The following PCDH12 variants were observed in gnomAD, a reference collection of about 807,000 sequenced individuals.
The protein encoded by PCDH12 is protocadherin 12.
Under a neutral mutation model 70.9 loss-of-function variants are expected in PCDH12, and 45 were observed. That is an observed-to-expected ratio of 0.63 (90% CI 0.50 to 0.81). The LOEUF (loss-of-function observed/expected upper bound fraction) is 0.81, where lower values mean the gene tolerates loss of function less well. Ranked by LOEUF, PCDH12 falls within the 40% of genes least tolerant of loss-of-function variation. The probability of loss-of-function intolerance (pLI) is 0.00; values close to 1 mark genes in which losing one functional copy is unlikely to be tolerated. For missense variants in PCDH12, 1,370 were observed against 1,491.7 expected (o/e 0.92, Z 1.34); for synonymous variants, 567 against 626.0 (o/e 0.91, Z 1.41).
chr5:141,947,886 C>T (rs1394567410), intron 3 of PCDH12, among the ~76,000 whole-genome samples: 3 of 152,130 alleles, frequency 2.0e-5, no homozygotes, highest in Non-Finnish European at 4.4e-5. Flanking sequence ...TGTTCAGTAC[C>T]CTTTGTGCTG....
At position 141,957,932 on chromosome 5, in the gene PCDH12, G is replaced by T; in HGVS notation, c.-81C>A. On this transcript the variant is annotated 5_prime_UTR_variant, in exon 1 of 4. Transcript: ENST00000231484. The surrounding 1 kb of genome is among the most constrained non-coding windows in gnomAD (Gnocchi z 4.3). ...CAAGTCCTCCAGTGTTTCCTGGATG[G>T]CTTGATCAGCCCCGTGCTCCTTCCC... 1 of 1,486,680 alleles carries T rather than the reference G, an allele frequency of 6.7e-7. No individual in the cohort carries two copies. Among genetic ancestry groups the T allele is most frequent in the South Asian group, 1.3e-5 (1 of 77,730 alleles). The allele number at this position is 1,486,680 out of a possible 1,614,324, so 92.1% of individuals were successfully genotyped here.
intron 1 of PCDH12, 60 bp from the exon 2 acceptor site, chr5:141,951,650 C>T (rs1296570475): frequency 2.6e-5 from 32 of 1,230,112 alleles, no homozygotes; most frequent in Non-Finnish European, 3.7e-5. Context: ...ACTTCCTCGC[C>T]GGATGTTTCC....
rs1198750158 is a variant in PCDH12, at chr5:141,955,589, C to G, written c.2263G>C (p.Ala755Pro). The G allele has an allele frequency of 1.2e-6, 2 of 1,614,098 alleles. No homozygotes were observed. Among genetic ancestry groups the G allele is most frequent in the Non-Finnish European group, 1.7e-6 (2 of 1,180,012 alleles). Residue 755 changes from alanine to proline, a missense_variant, in exon 1 of 4, where the codon GCC (alanine) becomes CCC (proline). Transcript: ENST00000231484. The surrounding 1 kb of genome is among the most constrained non-coding windows in gnomAD (Gnocchi z 5.5). The part of the protein sequence containing the change: ...KDNRAYNCRE[A>P]ESTYRQQPKR... ...GGCTGCTGGCGGTAGGTGGACTCGG[C>G]CTCCCGACAGTTGTAGGCCCTGTTG...
At position 141,956,372 on chromosome 5, in the gene PCDH12, T is replaced by C. The variant is rs888407910; in HGVS notation, c.1480A>G (p.Lys494Glu). ...GAGTCCTGGATGCGGTATGAGACTT[T>C]TCCATTAATGCCCAAGTCTGCATCA... is the stretch of plus-strand genomic sequence containing the variant. Reference protein sequence around the residue: ...AHDADLGINGKVSYRIQDSPV... With the variant: ...AHDADLGINGEVSYRIQDSPV... Residue 494 changes from lysine to glutamate, a missense_variant, in exon 1 of 4, where the codon AAA becomes GAA. Lys to Glu is a moderately conservative substitution (Grantham distance 56). Coordinates refer to ENST00000231484, the MANE Select transcript of PCDH12 (RefSeq NM_016580.4). 5 of 1,614,092 alleles carry C rather than the reference T, an allele frequency of 3.1e-6. No homozygotes were observed. In the African/African-American group the frequency reaches 6.7e-5, roughly 22 times the overall value.
chr5:141,957,842 G>T lies in PCDH12; in HGVS notation c.10C>A (p.Leu4Ile). The stretch of plus-strand genomic sequence containing the variant: ...AAAAGCCCCAGCAGAAGTTGCAGAA[G>T]TTGCATCATGCTTACCGCCAAGTGG... MMQ[L>I]LQLLLGLLGP... Residue 4 changes from leucine (L) to isoleucine (I), a missense_variant, in exon 1 of 4, where the codon CTT becomes ATT. Leu to Ile is a conservative substitution (Grantham distance 5, BLOSUM62 2). Coordinates refer to ENST00000231484, the MANE Select transcript of PCDH12 (RefSeq NM_016580.4). This position sits in a 1 kb window ranked among gnomAD's most constrained non-coding sequence, Gnocchi z 4.3. The T allele has an allele frequency of 6.3e-7, 1 of 1,598,596 alleles. No individual in the cohort carries two copies. The highest frequency in any genetic ancestry group is 2.2e-5 in the East Asian group (1 of 44,848).
Position 141,945,407 on chromosome 5 carries a change from T to TGCTGCTGCTGCC in PCDH12, c.3528_3529insGGCAGCAGCAGC (p.Gly1176_Ser1177insGlySerSerSer), listed in dbSNP as rs760844126. 42 of 1,612,946 alleles carry TGCTGCTGCTGCC rather than the reference T, an allele frequency of 2.6e-5. No homozygotes were observed. The highest frequency in any genetic ancestry group is 1.2e-4 in the African/African-American group (9 of 74,914). The stretch of plus-strand genomic sequence containing the variant: ...CACAGGCACCTGCTGCTGCTGCTGC[T>TGCTGCTGCTGCC]GCCTCTGCTCTTGCCCTCAGTCCCC... On this transcript the variant is annotated inframe_insertion, in exon 4 of 4. Transcript: ENST00000231484.
rs1459455929 is a variant in PCDH12 at position 141,957,159 on chromosome 5, C to T, written c.693G>A (p.Lys231=). Reference sequence around the variant, plus strand: ...TGTCATTGGAGTCCAAGACGTTGACCTTGACCAAGCTGGTACCTGACTTGG... The same window carrying T: ...TGTCATTGGAGTCCAAGACGTTGACTTTGACCAAGCTGGTACCTGACTTGG... ...NPPKSGTSLV[K]VNVLDSNDNS... The change falls in exon 1 of 4, where the codon AAG becomes AAA. Residue 231 remains lysine, a synonymous_variant. Transcript: ENST00000231484. The surrounding 1 kb of genome is among the most constrained non-coding windows in gnomAD (Gnocchi z 4.3). The T allele has an allele frequency of 1.2e-6, 2 of 1,614,036 alleles. No homozygotes were observed. The highest frequency in any genetic ancestry group is 1.3e-5 in the African/African-American group (1 of 74,926).
Position 141,945,360 on chromosome 5 carries a change from C to G in PCDH12, c.*21G>C. 1 of 1,585,036 alleles carries G rather than the reference C, an allele frequency of 6.3e-7. No homozygotes were observed. The highest frequency in any genetic ancestry group is 8.6e-7 in the Non-Finnish European group (1 of 1,166,016). ...ATCCTCAGGCCCCTGGTTCTTGGATCCAGAGGCGTCTGAGGTATGTTCACA... is the reference window on the plus strand; with the variant it reads ...ATCCTCAGGCCCCTGGTTCTTGGATGCAGAGGCGTCTGAGGTATGTTCACA... On this transcript the variant is annotated 3_prime_UTR_variant, in exon 4 of 4. Coordinates refer to ENST00000231484, the MANE Select transcript of PCDH12 (RefSeq NM_016580.4).
At chr5:141,949,780 TA>T (rs2126919958) in intron 2 of PCDH12, among the ~76,000 whole-genome samples, 197 bp from the exon 3 acceptor site, 1 of 152,236 alleles carries the variant, frequency 6.6e-6, no homozygotes, top group African/African-American at 2.4e-5. Context: ...ATGAGAGTAA[TA>T]AATAACACCC....
chr5:141,956,638 G>A lies in PCDH12; in HGVS notation c.1214C>T (p.Thr405Ile). 1 of 1,614,182 alleles carries A rather than the reference G, an allele frequency of 6.2e-7. No individual in the cohort carries two copies. Among genetic ancestry groups the A allele is most frequent in the Non-Finnish European group, 8.5e-7 (1 of 1,180,038 alleles). Residue 405 changes from threonine to isoleucine, a missense_variant, in exon 1 of 4, where the codon ACT becomes ATT. By Grantham distance (89) the Thr-to-Ile change is moderately conservative. Coordinates refer to ENST00000231484, the MANE Select transcript of PCDH12 (RefSeq NM_016580.4). ...TAGCAACATGTATGTGTTGCCATTA[G>A]TTCTTTTCAGCCTGAAGTGGCCCAG... ...QELGHFRLKRTNGNTYMLLTN... is the reference protein window; with the variant it reads ...QELGHFRLKRINGNTYMLLTN...
At chr5:141,954,862 A>G (rs1343103294) in intron 1 of PCDH12, 110 bp downstream of exon 1, 5 of 1,372,690 alleles carry the variant, frequency 3.6e-6, no homozygotes, top group Non-Finnish European at 4.9e-6. Context: ...AGAAAGTGCC[A>G]GGTGAGCCTA....
At position 141,958,185 on chromosome 5, in the gene PCDH12, C is replaced by T; in HGVS notation, c.-334G>A. 2 of 264,670 alleles carry T rather than the reference C, an allele frequency of 7.6e-6. No homozygotes were observed. Among genetic ancestry groups the T allele is most frequent in the Non-Finnish European group, 1.4e-5 (2 of 138,658 alleles). The allele number at this position is 264,670 out of a possible 1,614,324, so 16.4% of individuals were successfully genotyped here. ...AGTTGAGCAGGATGTGGGACTCTGA[C>T]TGCCAAACAGTTGCTAGGCTGGGGA... is the stretch of plus-strand genomic sequence containing the variant. On this transcript the variant is annotated 5_prime_UTR_variant, in exon 1 of 4. Coordinates refer to ENST00000231484, the MANE Select transcript of PCDH12 (RefSeq NM_016580.4).
chr5:141,957,995 G>T lies in PCDH12; in HGVS notation c.-144C>A. On this transcript the variant is annotated 5_prime_UTR_variant, in exon 1 of 4. Transcript: ENST00000231484. The surrounding 1 kb of genome is among the most constrained non-coding windows in gnomAD (Gnocchi z 4.3). ...GCACAACCTTGTCCCATAGTTAGAT[G>T]ATTATGAAACAAGCAGGACCCCAAG... 1 of 939,152 alleles carries T rather than the reference G, an allele frequency of 1.1e-6. No homozygotes were observed. The highest frequency in any genetic ancestry group is 1.6e-6 in the Non-Finnish European group (1 of 642,188). The allele number at this position is 939,152 out of a possible 1,614,324, so 58.2% of individuals were successfully genotyped here.
Position 141,958,008 on chromosome 5 carries a change from G to T in PCDH12, c.-157C>A. ...CCATAGTTAGATGATTATGAAACAA[G>T]CAGGACCCCAAGGCAAGGCCATCTT... On this transcript the variant is annotated 5_prime_UTR_variant, in exon 1 of 4. Transcript: ENST00000231484. The T allele has an allele frequency of 1.2e-6, 1 of 831,320 alleles. No homozygotes were observed. Among genetic ancestry groups the T allele is most frequent in the Non-Finnish European group, 1.8e-6 (1 of 547,704 alleles). The allele number at this position is 831,320 out of a possible 1,614,324, so 51.5% of individuals were successfully genotyped here. A position where few individuals can be genotyped will look rare whatever the true frequency, so the allele number is the denominator to read the frequency against.
Position 141,945,718 on chromosome 5 carries a change from A to T in PCDH12, c.3218T>A (p.Val1073Glu). ...LPLTTNYRDNVISPDAAATEE... is the reference protein window; with the variant it reads ...LPLTTNYRDNEISPDAAATEE... ...CGTGGCTGCAGCATCCGGGGAGATC[A>T]CATTGTCACGGTAGTTGGTGGTGAG... Residue 1073 changes from valine to glutamate, a missense_variant, in exon 4 of 4, where the codon GTG becomes GAG. Coordinates refer to ENST00000231484, the MANE Select transcript of PCDH12 (RefSeq NM_016580.4). 1 of 1,614,100 alleles carries T rather than the reference A, an allele frequency of 6.2e-7. No individual in the cohort carries two copies. The highest frequency in any genetic ancestry group is 8.5e-7 in the Non-Finnish European group (1 of 1,180,014).
rs1753180093 is a variant in PCDH12 at position 141,956,147 on chromosome 5, C to A, written c.1705G>T (p.Val569Leu). Residue 569 changes from valine to leucine, a missense_variant, in exon 1 of 4, where the codon GTG becomes TTG. Coordinates refer to ENST00000231484, the MANE Select transcript of PCDH12 (RefSeq NM_016580.4). ...NDNAPEVVQP[V>L]LSDGKASLSV... The stretch of plus-strand genomic sequence containing the variant: ...AGGCTGGCTTTTCCATCGCTGAGCA[C>A]AGGCTGGACCACCTCTGGGGCATTA... 1.9e-6 allele frequency: 3 copies of A among 1,614,066 alleles called. No individual in the cohort carries two copies. Among genetic ancestry groups the A allele is most frequent in the African/African-American group, 2.7e-5 (2 of 74,936 alleles).
chr5:141,952,161 G>T (rs778296928), intron 1 of PCDH12, among the ~76,000 whole-genome samples: 35 of 152,138 alleles, frequency 2.3e-4, no homozygotes, highest in African/African-American at 8.0e-4. Context: ...TGCCCTCAGC[G>T]TGGTCACATC....
At position 141,945,510 on chromosome 5, in the gene PCDH12, G is replaced by A. The variant is rs780737042; in HGVS notation, c.3426C>T (p.Cys1142=). The A allele has an allele frequency of 4.1e-5, 66 of 1,613,542 alleles. No individual in the cohort carries two copies. The highest frequency in any genetic ancestry group is 1.7e-4 in the Admixed American group (10 of 59,932). The change falls in exon 4 of 4, where the codon TGC becomes TGT. Residue 1142 remains cysteine, a synonymous_variant. Coordinates refer to ENST00000231484, the MANE Select transcript of PCDH12 (RefSeq NM_016580.4). ...CCAAGTCTAAACTGAGGGTCCTCCCGCAGACCGAGAGCCGCCGCAGCGCCT... is the reference window on the plus strand; with the variant it reads ...CCAAGTCTAAACTGAGGGTCCTCCCACAGACCGAGAGCCGCCGCAGCGCCT... ...ASEALRRLSV[C]GRTLSLDLAT...
In PCDH12 at chr5:141,956,794, T is replaced by C; in HGVS notation, c.1058A>G (p.His353Arg). 6.2e-7 allele frequency: 1 copy of C among 1,614,248 alleles called. No homozygotes were observed. The highest frequency in any genetic ancestry group is 1.1e-5 in the South Asian group (1 of 91,088). The change falls in exon 1 of 4, where the codon CAC becomes CGC. Residue 353 changes from histidine to arginine, a missense_variant. Coordinates refer to ENST00000231484, the MANE Select transcript of PCDH12 (RefSeq NM_016580.4). ...TGATGGCTGGGAGGCCCATGTGACG[T>C]GGATGCTTGGGATGTTGTCATTGAC... ...LDVNDNIPSIHVTWASQPSLV... is the reference protein window; with the variant it reads ...LDVNDNIPSIRVTWASQPSLV...
Sources: allele counts gnomAD v4.1 joint callset (sites outside exome capture counted in the v4.1 genomes callset), GRCh38; gene constraint gnomAD v4.1.1; non-coding constraint Gnocchi (gnomAD v3.1); transcripts MANE v1.5; gene names NCBI Gene and HGNC (gene_info 2026-07-23, HGNC 2026-07-21).